CHST4: variants seen among roughly 807,000 people sequenced by gnomAD.
The protein encoded by CHST4 is carbohydrate sulfotransferase 4.
For synonymous variants in CHST4, 171 were observed against 195.5 expected, an observed-to-expected ratio of 0.87 and a Z score of 1.05; for missense variants, 466 against 506.0, an observed-to-expected ratio of 0.92 and a Z score of 0.76.
rs760486549 is a variant in CHST4 at position 71,537,715 on chromosome 16, T to G, written c.1038T>G (p.Leu346=). Residue 346 remains leucine, a synonymous_variant, in exon 2 of 2, where the codon CTT becomes CTG. Coordinates refer to ENST00000539698, the MANE Select transcript of CHST4 (RefSeq NM_001166395.2). The surrounding 1 kb of genome is among the most constrained non-coding windows in gnomAD (Gnocchi z 4.2). ...WSLPYEKVSR[L]QKACGDAMNL... ...TGCCCTATGAAAAGGTTTCTCGACT[T>G]CAGAAAGCCTGTGGCGATGCCATGA... 3 of 1,614,192 alleles carry G rather than the reference T, an allele frequency of 1.9e-6. No individual in the cohort carries two copies. The highest frequency in any genetic ancestry group is 3.3e-4 in the Middle Eastern group (2 of 6,060).
chr16:71,529,968 C>T (rs1278615365), intron 1 of CHST4, among the ~76,000 whole-genome samples: 20 of 151,888 alleles, frequency 1.3e-4, no homozygotes, highest in Admixed American at 4.6e-4. Context: ...ACCAACATGG[C>T]GAATCCCCAT....
Sources: gnomAD v4.1 joint callset for allele counts (sites outside exome capture counted in the v4.1 genomes callset) on GRCh38, gnomAD v4.1.1 for gene constraint, Gnocchi (gnomAD v3.1) non-coding constraint, MANE v1.5 for transcripts, NCBI Gene and HGNC (gene_info 2026-07-23, HGNC 2026-07-21) for gene names.